The following KATNIP variants were observed in gnomAD, a reference collection of about 807,000 sequenced individuals.
KATNIP encodes the protein katanin-interacting protein.
In KATNIP, 126 loss-of-function variants were observed where a neutral mutation model predicts 174.0. That is an observed-to-expected ratio of 0.72 (90% CI 0.63 to 0.84). The LOEUF (loss-of-function observed/expected upper bound fraction) is 0.84, where lower values mean the gene tolerates loss of function less well. Among genes scored for constraint, KATNIP ranks in the 40% least tolerant of loss-of-function variants. KATNIP has a pLI of 0.00. For synonymous variants in KATNIP, 810 were observed against 835.7 expected (o/e 0.97, Z 0.53); for missense variants, 1,958 against 2,109.7 (o/e 0.93, Z 1.41).
At chr16:27,717,046 G>T (rs897248586) in intron 13 of KATNIP, among the ~76,000 whole-genome samples, 5 of 152,110 alleles carry the variant, frequency 3.3e-5, no homozygotes, top group African/African-American at 1.2e-4. Flanking sequence ...GTTTCACTAT[G>T]TTGGCCCGGC....
chr16:27,713,506 C>A (rs1025548162), intron 13 of KATNIP, among the ~76,000 whole-genome samples: 1 of 151,238 alleles, frequency 6.6e-6, no homozygotes, highest in Non-Finnish European at 1.5e-5. Context: ...TTTGGGAGAT[C>A]GAGGCAGGAG....
chr16:27,747,460 G>A (rs187156292), intron 15 of KATNIP, among the ~76,000 whole-genome samples: 1 of 152,098 alleles, frequency 6.6e-6, no homozygotes, highest in African/African-American at 2.4e-5. Flanking sequence ...CTCTCGACTC[G>A]TGTTCTCGGT....
At chr16:27,720,210 C>T (rs547873928) in intron 13 of KATNIP, among the ~76,000 whole-genome samples, 3 of 152,258 alleles carry the variant, frequency 2.0e-5, no homozygotes, top group African/African-American at 7.2e-5. Flanking sequence ...CCTGCCTCCG[C>T]CTCCTGAGTA....
chr16:27,614,468 G>A (rs1475860841), intron 2 of KATNIP, among the ~76,000 whole-genome samples: 1 of 151,792 alleles, frequency 6.6e-6, no homozygotes, highest in Non-Finnish European at 1.5e-5. Context: ...GCCACACCCT[G>A]CTATTTTTTA....
At chr16:27,622,038 CT>C (rs1184524157) in intron 3 of KATNIP, among the ~76,000 whole-genome samples, 1 of 152,084 alleles carries the variant, frequency 6.6e-6, no homozygotes, top group African/African-American at 2.4e-5. Context: ...CTGGCCGTTC[CT>C]TGGCCACCCC....
chr16:27,618,494 A>T lies in KATNIP; in HGVS notation c.133A>T (p.Arg45Trp). Reference sequence around the variant, plus strand: ...TGAGTATTTAATATTGCTTCAGCAGAGGAACCGGTAAGAGAAGCCACTCGA... The same window carrying T: ...TGAGTATTTAATATTGCTTCAGCAGTGGAACCGGTAAGAGAAGCCACTCGA... ...HDEYLILLQQ[R>W]NRILKHLKSK... Residue 45 changes from arginine (R) to tryptophan (W), a missense_variant, in exon 3 of 28, where the codon AGG (arginine) becomes TGG (tryptophan). Transcript: ENST00000261588. 1 of 1,610,758 alleles carries T rather than the reference A, an allele frequency of 6.2e-7. No individual in the cohort carries two copies. The highest frequency in any genetic ancestry group is 8.5e-7 in the Non-Finnish European group (1 of 1,176,904).
chr16:27,630,264 G>A lies in KATNIP; in HGVS notation c.311-801G>A, dbSNP rs182138275. 2.8e-3 allele frequency among the ~76,000 whole-genome samples: 431 copies of A among 152,278 alleles called. 1 individual carries two copies. Among genetic ancestry groups the A allele is most frequent in the Non-Finnish European group, 5.3e-3 (361 of 68,012 alleles). ...CCCTCAGTTTCCTCTTGCATAAAAT[G>A]GGAATAATTATGCCCACCTTGCAGG... On this transcript the variant is annotated intron_variant, in intron 4 of 27. Coordinates refer to ENST00000261588, the MANE Select transcript of KATNIP (RefSeq NM_015202.5).
In KATNIP at chr16:27,680,028, C is replaced by T. The variant is rs2078271895; in HGVS notation, c.809-1371C>T. On this transcript the variant is annotated intron_variant, in intron 7 of 27. Transcript: ENST00000261588. ...CAAAGCCTTCTTCACACTCCCACCA[C>T]ATCCACTTGGGCCAGCCCTCCCCCG... 2.0e-5 allele frequency among the ~76,000 whole-genome samples: 3 copies of T among 152,124 alleles called. No individual in the cohort carries two copies. In the South Asian group the frequency reaches 6.2e-4, roughly 31 times the overall value.
chr16:27,716,938 G>A lies in KATNIP; in HGVS notation c.1606-4620G>A, dbSNP rs574409885. ...CGGCTCACTGCAACCTCCACCTCCC[G>A]GGTTCGAGCGATTCTTCTGCCTCAT... On this transcript the variant is annotated intron_variant, in intron 13 of 27. Transcript: ENST00000261588. Among the ~76,000 whole-genome samples the A allele has an allele frequency of 9.9e-5, 15 of 152,060 alleles. No individual in the cohort carries two copies. The South Asian group carries it at 1.7e-3, about 17-fold the overall frequency.
At position 27,766,610 on chromosome 16, in the gene KATNIP, G is replaced by GGA. The variant is rs1051954891; in HGVS notation, c.3975+146_3975+147dup. ...ACGGAGCTGGGGGCGTTATGTCCAG[G>GGA]GAGAGAGAGAGCTGCTGTTTCCTTC... On this transcript the variant is annotated intron_variant, in intron 20 of 27. Transcript: ENST00000261588. 1.7e-5 allele frequency: 15 copies of GGA among 863,358 alleles called. No homozygotes were observed. The African/African-American group carries it at 2.0e-4, about 12-fold the overall frequency. 53.5% of individuals were successfully genotyped at this position (863,358 alleles called of 1,614,324 possible). A position where few individuals can be genotyped will look rare whatever the true frequency, so the allele number is the denominator to read the frequency against.
intron 2 of KATNIP, among the ~76,000 whole-genome samples, chr16:27,575,391 C>G (rs2090461019): frequency 6.6e-6 from 1 of 152,052 alleles, no homozygotes; most frequent in South Asian, 2.1e-4. Flanking sequence ...TGATCATGTC[C>G]CAGGCTTATG....
At chr16:27,745,922 T>G (rs2081276582) in intron 15 of KATNIP, among the ~76,000 whole-genome samples, 1 of 150,402 alleles carries the variant, frequency 6.6e-6, no homozygotes, top group African/African-American at 2.4e-5. Flanking sequence ...AGCTCTCATG[T>G]CAAAGAGGTC....
At chr16:27,654,469 CTTT>C (rs966148853) in intron 6 of KATNIP, 10 of 661,452 alleles carry the variant, frequency 1.5e-5, no homozygotes, top group Non-Finnish European at 2.4e-5. Flanking sequence ...ATCAGATCCA[CTTT>C]AGGAGCAAGA....
chr16:27,725,011 G>C (rs2080387956), intron 14 of KATNIP, among the ~76,000 whole-genome samples: 1 of 152,152 alleles, frequency 6.6e-6, no homozygotes, highest in Admixed American at 6.5e-5. Flanking sequence ...TGGTGATTCT[G>C]TAAGTGTCAG....
At chr16:27,616,414 G>A (rs1237216207) in intron 2 of KATNIP, among the ~76,000 whole-genome samples, 3 of 151,922 alleles carry the variant, frequency 2.0e-5, no homozygotes, top group East Asian at 3.9e-4. Flanking sequence ...TTTATTGTAT[G>A]ATCCTATTTT....
intron 15 of KATNIP, among the ~76,000 whole-genome samples, chr16:27,741,337 C>T (rs2081100643): frequency 6.6e-6 from 1 of 152,002 alleles, no homozygotes; most frequent in Non-Finnish European, 1.5e-5. Context: ...CTTTGGGAGG[C>T]TTAGGTAGGA....
In KATNIP at chr16:27,749,691, C is replaced by A; in HGVS notation, c.2731C>A (p.Arg911=). 1 of 1,613,376 alleles carries A rather than the reference C, an allele frequency of 6.2e-7. No individual in the cohort carries two copies. The highest frequency in any genetic ancestry group is 1.3e-5 in the African/African-American group (1 of 75,030). Residue 911 remains arginine, a synonymous_variant, in exon 16 of 28, where the codon CGG becomes AGG. Transcript: ENST00000261588. ...CCTCAGTGCCTTCGACCGCTCCCAC[C>A]GGGGACGCATCTCCAACACGGAGCT... The part of the protein sequence containing the change: ...SSLSAFDRSH[R]GRISNTELPG...
intron 6 of KATNIP, among the ~76,000 whole-genome samples, chr16:27,653,301 G>A (rs2077171644): frequency 6.6e-6 from 1 of 152,146 alleles, no homozygotes; most frequent in Non-Finnish European, 1.5e-5. Context: ...CTTTCCATTG[G>A]GTGGATGGTG....
intron 3 of KATNIP, among the ~76,000 whole-genome samples, chr16:27,625,439 G>T (rs186379511): frequency 1.3e-5 from 2 of 152,184 alleles, no homozygotes; most frequent in East Asian, 1.9e-4. Context: ...CTAGGCTCCT[G>T]CTCCCTCCCT....
Sources: allele counts gnomAD v4.1 joint callset (sites outside exome capture counted in the v4.1 genomes callset), GRCh38; gene constraint gnomAD v4.1.1; transcripts MANE v1.5; gene names NCBI Gene and HGNC (gene_info 2026-07-23, HGNC 2026-07-21).